The following RTN3 variants were observed in gnomAD, a reference collection of about 807,000 sequenced individuals.
RTN3 encodes the protein reticulon 3.
A neutral mutation model predicts 77.8 loss-of-function variants in RTN3; 49 were observed. That is an observed-to-expected ratio of 0.63 (90% confidence interval 0.50 to 0.80). The LOEUF is 0.80. Ranked by LOEUF, RTN3 falls within the 30% of genes least tolerant of loss-of-function variation. The pLI is 0.00. For synonymous variants in RTN3, 464 were observed against 446.9 expected, an observed-to-expected ratio of 1.04 and a Z score of -0.48; for missense variants, 1,236 against 1,211.9, an observed-to-expected ratio of 1.02 and a Z score of -0.29.
chr11:63,752,707 G>C, intron 5 of RTN3, 62 bp downstream of exon 5: 2 of 1,549,354 alleles, frequency 1.3e-6, no homozygotes, highest in Non-Finnish European at 1.8e-6. Flanking sequence ...GTTATAATTT[G>C]GAGGAAAAAC....
chr11:63,707,785 G>A (rs1156484837), intron 2 of RTN3, among the ~76,000 whole-genome samples: 1 of 152,114 alleles, frequency 6.6e-6, no homozygotes, highest in Non-Finnish European at 1.5e-5. Flanking sequence ...AGTGAGCCGA[G>A]ATCACGCTAT....
At chr11:63,707,044 G>A (rs1021866697) in intron 2 of RTN3, among the ~76,000 whole-genome samples, 3 of 151,732 alleles carry the variant, frequency 2.0e-5, no homozygotes, top group Admixed American at 2.0e-4. Context: ...GATTACAGGC[G>A]TGCACCACCA....
chr11:63,722,765 C>T, intron 3 of RTN3, among the ~76,000 whole-genome samples: 1 of 152,142 alleles, frequency 6.6e-6, no homozygotes. Context: ...CTTACATAAC[C>T]TTTCGGGGGC....
intron 2 of RTN3, among the ~76,000 whole-genome samples, chr11:63,706,569 T>C (rs758266308): frequency 2.2e-4 from 33 of 152,192 alleles, no homozygotes; most frequent in Non-Finnish European, 4.0e-4. Context: ...TGTCTCATTG[T>C]GTGAATTTGG....
At chr11:63,706,901 C>CT (rs535955895) in intron 2 of RTN3, among the ~76,000 whole-genome samples, 2,434 of 139,714 alleles carry the variant, frequency 0.017, 63 homozygotes, top group African/African-American at 0.055. Context: ...TTTCTTTTTT[C>CT]TTTTTTTTTT....
intron 5 of RTN3, 104 bp from the exon 6 acceptor site, chr11:63,752,965 C>G: frequency 5.4e-6 from 6 of 1,103,034 alleles, no homozygotes; most frequent in Non-Finnish European, 8.1e-6. Context: ...TGTCACACAT[C>G]ACTAAATTTA....
rs867666244 is a variant in RTN3 at position 63,730,079 on chromosome 11, C to G, written c.2530+9047C>G. Among the ~76,000 whole-genome samples the G allele has an allele frequency of 1.6e-4, 24 of 152,156 alleles. No individual in the cohort carries two copies. The South Asian group carries it at 5.0e-3, about 32-fold the overall frequency. On this transcript the variant is annotated intron_variant, in intron 3 of 8. Coordinates refer to ENST00000377819, the MANE Select transcript of RTN3 (RefSeq NM_001265589.2). ...CCTTCCGGGTTCAAGGGATTCTCCT[C>G]CCTCAGCCTCCCAAGTAGCTGGGAT...
chr11:63,748,686 T>A (rs1238611671), intron 3 of RTN3, among the ~76,000 whole-genome samples: 2 of 141,640 alleles, frequency 1.4e-5, no homozygotes, highest in East Asian at 2.1e-4. Context: ...TTTTTTTTTT[T>A]AGACGGAGTT....
chr11:63,733,501 A>T (rs1342402853), intron 3 of RTN3, among the ~76,000 whole-genome samples: 1 of 151,470 alleles, frequency 6.6e-6, no homozygotes, highest in African/African-American at 2.4e-5. Flanking sequence ...AAAAAAAAAG[A>T]TTGGATAATC....
intron 8 of RTN3, among the ~76,000 whole-genome samples, chr11:63,757,638 C>T (rs540061510): frequency 3.9e-5 from 6 of 152,146 alleles, no homozygotes; most frequent in Non-Finnish European, 8.8e-5. Context: ...AGATTACAGG[C>T]ATGAGCCCTG....
chr11:63,725,136 C>T lies in RTN3; in HGVS notation c.2530+4104C>T, dbSNP rs576003134. Among the ~76,000 whole-genome samples, 3 of 152,236 alleles carry T rather than the reference C, an allele frequency of 2.0e-5. No homozygotes were observed. In the South Asian group the frequency reaches 6.2e-4, roughly 32 times the overall value. ...CACCTGGCCACGCCCTCCATCTCCC[C>T]TTCCCCAGACGTAACACCGTCATGG... On this transcript the variant is annotated intron_variant, in intron 3 of 8. Transcript: ENST00000377819.
chr11:63,727,845 G>A (rs1313989895), intron 3 of RTN3, among the ~76,000 whole-genome samples: 1 of 152,116 alleles, frequency 6.6e-6, no homozygotes, highest in Non-Finnish European at 1.5e-5. Context: ...ACTGGAGAAG[G>A]ACATATTTAA....
In RTN3 at chr11:63,753,695, A is replaced by C; in HGVS notation, c.2981A>C (p.Tyr994Ser). The stretch of plus-strand genomic sequence containing the variant: ...CTCATTTTCAGTGTCCCGATTGTCT[A>C]TGAGAAGTACAAGGTAAGCATTTAT... ...ELLIFSVPIV[Y>S]EKYKTQIDHY... The change falls in exon 7 of 9, where the codon TAT (tyrosine) becomes TCT (serine). Residue 994 changes from tyrosine to serine, a missense_variant. Around this residue, in one of 3 missense-constraint regions of RTN3, gnomAD observed 141 missense variants for 154.9 expected, o/e 0.91. Coordinates refer to ENST00000377819, the MANE Select transcript of RTN3 (RefSeq NM_001265589.2). 6.2e-7 allele frequency: 1 copy of C among 1,613,804 alleles called. No individual in the cohort carries two copies. Among genetic ancestry groups the C allele is most frequent in the Non-Finnish European group, 8.5e-7 (1 of 1,179,754 alleles).
intron 2 of RTN3, among the ~76,000 whole-genome samples, chr11:63,716,827 G>A (rs184742769): frequency 3.3e-5 from 5 of 152,198 alleles, no homozygotes; most frequent in Admixed American, 2.0e-4. Context: ...AAATTAGCCA[G>A]GCGTGGCGGC....
intron 8 of RTN3, among the ~76,000 whole-genome samples, chr11:63,756,474 G>A (rs1565050832): frequency 3.3e-5 from 5 of 152,076 alleles, no homozygotes; most frequent in Admixed American, 2.6e-4. Flanking sequence ...AGGAGTTCAA[G>A]ACCAGCCTGG....
intron 3 of RTN3, among the ~76,000 whole-genome samples, chr11:63,739,127 A>G (rs2013317950): frequency 6.6e-6 from 1 of 152,226 alleles, no homozygotes; most frequent in Non-Finnish European, 1.5e-5. Context: ...TCCACCAGCA[A>G]CGTAAACTCT....
chr11:63,701,090 A>AG (rs1172352527), intron 1 of RTN3, among the ~76,000 whole-genome samples: 3 of 144,544 alleles, frequency 2.1e-5, no homozygotes, highest in Non-Finnish European at 4.5e-5. Flanking sequence ...CTCCTTCTCA[A>AG]AAAAAAAAAA....
chr11:63,741,226 G>T, intron 3 of RTN3, among the ~76,000 whole-genome samples: 1 of 150,442 alleles, frequency 6.6e-6, no homozygotes, highest in South Asian at 2.1e-4. Context: ...TTTTGAGATG[G>T]AGTTTCGCTC....
intron 6 of RTN3, 21 bp from the exon 7 acceptor site, chr11:63,753,641 T>A (rs367583564): frequency 5.6e-6 from 9 of 1,610,362 alleles, no homozygotes; most frequent in Non-Finnish European, 7.6e-6. Flanking sequence ...ACTTGCCATG[T>A]CCCATGATTC....
Sources: allele counts gnomAD v4.1 joint callset (sites outside exome capture counted in the v4.1 genomes callset), GRCh38; gene constraint gnomAD v4.1.1; regional missense constraint gnomAD v4.1.1; transcripts MANE v1.5; gene names NCBI Gene and HGNC (gene_info 2026-07-23, HGNC 2026-07-21).